Variants in UBAP1 observed in about 807,000 individuals in gnomAD.
UBAP1 encodes the protein ubiquitin associated protein 1, also known as ubiquitin-associated protein 1.
A neutral mutation model predicts 39.0 loss-of-function variants in UBAP1; 5 were observed. The ratio of observed to expected loss-of-function variants is 0.13; its 90% CI spans 0.07 to 0.27. The LOEUF (loss-of-function observed/expected upper bound fraction) is 0.27, where lower values mean the gene tolerates loss of function less well. Among genes scored for constraint, UBAP1 ranks in the 10% least tolerant of loss-of-function variants. UBAP1 has a pLI of 1.00. For missense variants in UBAP1, 490 were observed against 608.1 expected (o/e 0.81, Z 2.04); for synonymous variants, 211 against 225.1 (o/e 0.94, Z 0.56).
chr9:34,216,642 A>ATTTTTT (rs57204146), intron 1 of UBAP1, among the ~76,000 whole-genome samples: 5 of 70,208 alleles, frequency 7.1e-5, no homozygotes, highest in African/African-American at 2.0e-4. Context: ...CACCATGCTA[A>ATTTTTT]TTTTTTTTTT....
chr9:34,222,533 T>C (rs189906556), intron 2 of UBAP1, among the ~76,000 whole-genome samples: 116 of 152,264 alleles, frequency 7.6e-4, no homozygotes, highest in African/African-American at 2.7e-3. Flanking sequence ...GGCTCATGCC[T>C]GTAATCCCAA....
At chr9:34,230,103 G>A (rs987384725) in intron 2 of UBAP1, among the ~76,000 whole-genome samples, 5 of 151,906 alleles carry the variant, frequency 3.3e-5, no homozygotes, top group African/African-American at 7.3e-5. Context: ...TCGCCCTGTC[G>A]CCCAGGCTGG....
In UBAP1 at chr9:34,196,898, T is replaced by TTGTGTGTGTGTG. The variant is rs777008697; in HGVS notation, c.-8+17686_-8+17697dup. Among the ~76,000 whole-genome samples, 622 of 141,408 alleles carry TTGTGTGTGTGTG rather than the reference T, an allele frequency of 4.4e-3. 5 individuals are homozygous for TTGTGTGTGTGTG. Among genetic ancestry groups the TTGTGTGTGTGTG allele is most frequent in the Non-Finnish European group, 7.2e-3 (474 of 65,544 alleles). 92.8% of individuals were successfully genotyped at this position (141,408 alleles called of 152,430 possible). On this transcript the variant is annotated intron_variant, in intron 1 of 6. Coordinates refer to ENST00000297661, the MANE Select transcript of UBAP1 (RefSeq NM_016525.5). ...TGTATTGTCTTTCTAATATTGTTAT[T>TTGTGTGTGTGTG]TGTGTGTGTGTGTGTGTGTGTGTGT... is the stretch of plus-strand genomic sequence containing the variant.
intron 4 of UBAP1, among the ~76,000 whole-genome samples, chr9:34,243,819 G>T (rs1287548685): frequency 6.6e-6 from 1 of 151,604 alleles, no homozygotes; most frequent in Non-Finnish European, 1.5e-5. Context: ...TCACCCTGTT[G>T]TCTTATCAAA....
intron 1 of UBAP1, among the ~76,000 whole-genome samples, chr9:34,203,773 C>T (rs1328276953): frequency 2.0e-5 from 3 of 151,994 alleles, no homozygotes; most frequent in Non-Finnish European, 4.4e-5. Flanking sequence ...TCTTTGACAC[C>T]GTGTGAAGTT....
At chr9:34,247,516 C>G (rs1300872978) in intron 4 of UBAP1, among the ~76,000 whole-genome samples, 1 of 152,070 alleles carries the variant, frequency 6.6e-6, no homozygotes, top group African/African-American at 2.4e-5. Context: ...CCTCCGCCTT[C>G]TGGGTTCAAG....
chr9:34,244,286 A>G (rs1358741333), intron 4 of UBAP1, among the ~76,000 whole-genome samples: 2 of 151,136 alleles, frequency 1.3e-5, no homozygotes, highest in African/African-American at 2.4e-5. Flanking sequence ...ATAAGTGAGA[A>G]CATGTGATGT....
At chr9:34,179,326 G>C (rs905996974) in intron 1 of UBAP1, 86 bp downstream of exon 1, 6 of 972,622 alleles carry the variant, frequency 6.2e-6, no homozygotes, top group Admixed American at 8.7e-5. Context: ...GAAACGGGAT[G>C]GGGGGCCGAG....
At chr9:34,235,893 C>T (rs562859011) in intron 3 of UBAP1, among the ~76,000 whole-genome samples, 1 of 149,882 alleles carries the variant, frequency 6.7e-6, no homozygotes, top group Non-Finnish European at 1.5e-5. Flanking sequence ...AGTGCAATGG[C>T]GCGATCTCGT....
chr9:34,182,665 T>TTCTCTC (rs879757471), intron 1 of UBAP1, among the ~76,000 whole-genome samples: 2 of 60,806 alleles, frequency 3.3e-5, no homozygotes, highest in African/African-American at 4.4e-5. Flanking sequence ...CTTTCTTTCT[T>TTCTCTC]TCTTTCTTTC....
chr9:34,189,394 G>A (rs571483412), intron 1 of UBAP1, among the ~76,000 whole-genome samples: 2 of 151,732 alleles, frequency 1.3e-5, no homozygotes, highest in East Asian at 3.9e-4. Context: ...TCACCATGTT[G>A]GCTAGGCTGG....
intron 1 of UBAP1, among the ~76,000 whole-genome samples, chr9:34,211,173 A>G (rs2131555197): frequency 6.6e-6 from 1 of 152,228 alleles, no homozygotes; most frequent in Non-Finnish European, 1.5e-5. Context: ...GTCTATCTAG[A>G]GTTGGCTGGT....
chr9:34,204,226 C>T (rs1038123266), intron 1 of UBAP1, among the ~76,000 whole-genome samples: 1 of 152,110 alleles, frequency 6.6e-6, no homozygotes, highest in African/African-American at 2.4e-5. Flanking sequence ...ACTCGGGAGG[C>T]TAAGGCACAA....
intron 1 of UBAP1, among the ~76,000 whole-genome samples, chr9:34,214,954 A>G (rs1832216757): frequency 6.6e-6 from 1 of 152,190 alleles, no homozygotes; most frequent in Non-Finnish European, 1.5e-5. Context: ...AAGAATGGCC[A>G]TAATAAAAAA....
At chr9:34,224,440 C>G (rs1832939403) in intron 2 of UBAP1, 1 of 396,644 alleles carries the variant, frequency 2.5e-6, no homozygotes, top group South Asian at 6.5e-5. Flanking sequence ...AGGAGAAATT[C>G]CCTACATGCA....
chr9:34,201,677 C>A (rs1587813229), intron 1 of UBAP1, among the ~76,000 whole-genome samples: 1 of 152,220 alleles, frequency 6.6e-6, no homozygotes, highest in East Asian at 1.9e-4. Context: ...AATGTGTGGG[C>A]AGTTTTCCCC....
At chr9:34,217,783 C>CTGTTTTTTTTTT (rs1832414854) in intron 1 of UBAP1, among the ~76,000 whole-genome samples, 1 of 41,212 alleles carries the variant, frequency 2.4e-5, no homozygotes, top group Non-Finnish European at 4.0e-5. Context: ...GGATTTCGTT[C>CTGTTTTTTTTTT]TTTTTTTTTT....
At chr9:34,230,453 C>G (rs1489495191) in intron 2 of UBAP1, among the ~76,000 whole-genome samples, 1 of 152,194 alleles carries the variant, frequency 6.6e-6, no homozygotes, top group East Asian at 1.9e-4. Context: ...TAATTGTGTG[C>G]TTGTTAACTT....
At chr9:34,217,208 T>C (rs1337730519) in intron 1 of UBAP1, among the ~76,000 whole-genome samples, 2 of 152,162 alleles carry the variant, frequency 1.3e-5, no homozygotes, top group South Asian at 2.1e-4. Flanking sequence ...TGATTTACCA[T>C]CCTGTGAATG....
Sources: gnomAD v4.1 joint callset for allele counts (sites outside exome capture counted in the v4.1 genomes callset) on GRCh38, gnomAD v4.1.1 for gene constraint, MANE v1.5 for transcripts, NCBI Gene and HGNC (gene_info 2026-07-23, HGNC 2026-07-21) for gene names.